SPTBN4: variants seen among roughly 807,000 people sequenced by gnomAD.
SPTBN4 encodes spectrin beta chain, non-erythrocytic 4.
A neutral mutation model predicts 277.8 loss-of-function variants in SPTBN4; 96 were observed. The ratio of observed to expected loss-of-function variants is 0.35; its 90% CI spans 0.29 to 0.41. The LOEUF (loss-of-function observed/expected upper bound fraction) is 0.41, where lower values mean the gene tolerates loss of function less well. Among genes scored for constraint, SPTBN4 ranks in the 10% least tolerant of loss-of-function variants. The pLI is 1.00. For missense variants in SPTBN4, 3,006 were observed against 3,595.7 expected, an observed-to-expected ratio of 0.84 and a Z score of 4.19; for synonymous variants, 1,481 against 1,580.3, an observed-to-expected ratio of 0.94 and a Z score of 1.49.
chr19:40,499,122 G>A (rs547784998), intron 7 of SPTBN4, among the ~76,000 whole-genome samples: 19 of 151,322 alleles, frequency 1.3e-4, no homozygotes, highest in Non-Finnish European at 2.4e-4. Context: ...TCCGCCTCCC[G>A]GGTTCAAGTG....
chr19:40,563,592 G>A (rs2081064225), intron 27 of SPTBN4, among the ~76,000 whole-genome samples: 1 of 151,434 alleles, frequency 6.6e-6, no homozygotes, highest in African/African-American at 2.4e-5. Flanking sequence ...AACTATTAAT[G>A]AGGCCAGGCA....
intron 20 of SPTBN4, among the ~76,000 whole-genome samples, chr19:40,536,751 T>C (rs1459155238): frequency 1.3e-5 from 2 of 152,168 alleles, no homozygotes; most frequent in Non-Finnish European, 2.9e-5. Flanking sequence ...AGTTTGAGAC[T>C]AGCCTGGGTA....
Position 40,519,620 on chromosome 19 carries a change from T to C in SPTBN4, c.3123T>C (p.Leu1041=). The change falls in exon 16 of 36, where the codon CTT becomes CTC. Residue 1041 remains leucine (L), a synonymous_variant. Coordinates refer to ENST00000598249, the MANE Select transcript of SPTBN4 (RefSeq NM_020971.3). The surrounding 1 kb of genome is among the most constrained non-coding windows in gnomAD (Gnocchi z 5.7). ...CGCTGGAGCCGCGCCAGGCGGCCCT[T>C]CTGGAGGAGGCAGCCCTGCTGGCTG... is the stretch of plus-strand genomic sequence containing the variant. ...LQALEPRQAA[L]LEEAALLAER... 6.9e-7 allele frequency: 1 copy of C among 1,447,876 alleles called. No individual in the cohort carries two copies. Among genetic ancestry groups the C allele is most frequent in the Non-Finnish European group, 9.0e-7 (1 of 1,112,426 alleles). 89.7% of individuals were successfully genotyped at this position (1,447,876 alleles called of 1,614,324 possible).
rs35964729 is a variant in SPTBN4, at chr19:40,550,504, ATT to A, written c.4674+192_4674+193del. Among the ~76,000 whole-genome samples the A allele has an allele frequency of 0.44, 62,471 of 141,154 alleles. 13,959 individuals are homozygous for A. The highest frequency in any genetic ancestry group is 0.52 in the African/African-American group (19,610 of 38,038). The allele number at this position is 141,154 out of a possible 152,430, so 92.6% of individuals were successfully genotyped here. A position where few individuals can be genotyped will look rare whatever the true frequency, so the allele number is the denominator to read the frequency against. On this transcript the variant is annotated intron_variant, in intron 22 of 35. Coordinates refer to ENST00000598249, the MANE Select transcript of SPTBN4 (RefSeq NM_020971.3). ...ATATATTTTCATGACTCTTGGCTCT[ATT>A]TTTTTTTTTTTTTTGAGATGGAGCC... is the stretch of plus-strand genomic sequence containing the variant.
rs769173332 is a variant in SPTBN4 at position 40,568,196 on chromosome 19, G to A, written c.6870G>A (p.Glu2290=). The change falls in exon 31 of 36, where the codon GAG becomes GAA. Residue 2290 remains glutamate (E), a synonymous_variant. Coordinates refer to ENST00000598249, the MANE Select transcript of SPTBN4 (RefSeq NM_020971.3). The part of the protein sequence containing the change: ...SLTLGRYEQM[E]RRRERRERRL... ...CCCTGGGCCGCTATGAGCAGATGGA[G>A]CGGCGGCGCGAGCGGCGTGAGCGGC... is the stretch of plus-strand genomic sequence containing the variant. 1.3e-6 allele frequency: 2 copies of A among 1,595,984 alleles called. No homozygotes were observed. Among genetic ancestry groups the A allele is most frequent in the Admixed American group, 3.5e-5 (2 of 57,362 alleles).
chr19:40,551,185 A>T (rs2080913801), intron 22 of SPTBN4, among the ~76,000 whole-genome samples: 1 of 152,172 alleles, frequency 6.6e-6, no homozygotes, highest in South Asian at 2.1e-4. Context: ...GAAGGGGAAT[A>T]GCTATTGGAC....
chr19:40,520,072 G>T lies in SPTBN4; in HGVS notation c.3575G>T (p.Arg1192Met). Residue 1192 changes from arginine to methionine, a missense_variant, in exon 16 of 36, where the codon AGG becomes ATG. Coordinates refer to ENST00000598249, the MANE Select transcript of SPTBN4 (RefSeq NM_020971.3). ...HKLLGLWEAR[R>M]EALVQAHIYQ... The stretch of plus-strand genomic sequence containing the variant: ...CTGCTCGGCTTGTGGGAGGCGCGCA[G>T]GGAGGCGCTGGTCCAGGCGCACATC... 6.6e-7 allele frequency: 1 copy of T among 1,513,738 alleles called. No individual in the cohort carries two copies. The highest frequency in any genetic ancestry group is 8.8e-7 in the Non-Finnish European group (1 of 1,136,064). The allele number at this position is 1,513,738 out of a possible 1,614,324, so 93.8% of individuals were successfully genotyped here. A position where few individuals can be genotyped will look rare whatever the true frequency, so the allele number is the denominator to read the frequency against.
chr19:40,485,230 A>G lies in SPTBN4; in HGVS notation c.170-2467A>G, dbSNP rs910957780. Among the ~76,000 whole-genome samples, 7 of 151,870 alleles carry G rather than the reference A, an allele frequency of 4.6e-5. No individual in the cohort carries two copies. In the South Asian group the frequency reaches 6.2e-4, roughly 14 times the overall value. ...AGTGGCACGATCTCGGCTCACTGCA[A>G]CCTCCACCTCCCTGGTTCAAGCGAT... On this transcript the variant is annotated intron_variant, in intron 2 of 35. Transcript: ENST00000598249.
rs182375967 is a variant in SPTBN4, at chr19:40,540,174, G to A, written c.4359+5831G>A. 3.1e-3 allele frequency among the ~76,000 whole-genome samples: 469 copies of A among 150,834 alleles called. 3 individuals are homozygous for A. The highest frequency in any genetic ancestry group is 2.1e-3 in the Non-Finnish European group (139 of 67,526). On this transcript the variant is annotated intron_variant, in intron 20 of 35. Coordinates refer to ENST00000598249, the MANE Select transcript of SPTBN4 (RefSeq NM_020971.3). The stretch of plus-strand genomic sequence containing the variant: ...ACTCCTGACCTCAAGTGATCCGCCC[G>A]CCTCGGCCTCCCAAAGTGCTGGGAT...
At chr19:40,479,675 C>CATAT (rs34118043) in intron 2 of SPTBN4, among the ~76,000 whole-genome samples, 7,181 of 126,554 alleles carry the variant, frequency 0.057, 221 homozygotes, top group South Asian at 0.11. Flanking sequence ...AATGAGTAAG[C>CATAT]ATATATATAT....
rs774869488 is a variant in SPTBN4, at chr19:40,550,343, T to G, written c.4674+16T>G. ...AAAGAACCAGGTGAGCAGAGCCAGG[T>G]GAGGGAGCGAGTTAGGACATTTGGA... On this transcript the variant is annotated intron_variant, in intron 22 of 35. Transcript: ENST00000598249. 1 of 1,603,990 alleles carries G rather than the reference T, an allele frequency of 6.2e-7. No homozygotes were observed. Among genetic ancestry groups the G allele is most frequent in the Non-Finnish European group, 8.5e-7 (1 of 1,179,622 alleles).
Position 40,555,504 on chromosome 19 carries a change from A to AAG in SPTBN4, c.5085-579_5085-578insGA, listed in dbSNP as rs1465504943. Among the ~76,000 whole-genome samples the AAG allele has an allele frequency of 2.1e-3, 316 of 150,786 alleles. 1 individual carries two copies. Among genetic ancestry groups the AAG allele is most frequent in the African/African-American group, 7.5e-3 (305 of 40,860 alleles). On this transcript the variant is annotated intron_variant, in intron 24 of 35. Coordinates refer to ENST00000598249, the MANE Select transcript of SPTBN4 (RefSeq NM_020971.3). ...GACTCCGTCTCAAAAAAAAAAAAAA[A>AAG]AAAAGAAAAGAAAAAAAAAGAAAGG...
chr19:40,473,502 C>A (rs2079911460), intron 2 of SPTBN4, among the ~76,000 whole-genome samples: 4 of 151,930 alleles, frequency 2.6e-5, no homozygotes, highest in African/African-American at 9.7e-5. Context: ...GGATTACAGG[C>A]ATGTGCCACC....
At chr19:40,558,612 G>T (rs897699628) in intron 26 of SPTBN4, among the ~76,000 whole-genome samples, 2 of 151,092 alleles carry the variant, frequency 1.3e-5, no homozygotes, top group African/African-American at 4.9e-5. Context: ...TTGTTTGTTT[G>T]TTTGTTTATT....
chr19:40,547,881 G>T (rs1053989576), intron 20 of SPTBN4, among the ~76,000 whole-genome samples: 1 of 152,150 alleles, frequency 6.6e-6, no homozygotes, highest in Non-Finnish European at 1.5e-5. Context: ...TGCTTGGAAA[G>T]ATTTTTCTCC....
chr19:40,503,664 G>C (rs1161241439), intron 11 of SPTBN4, among the ~76,000 whole-genome samples, 166 bp from the exon 12 acceptor site: 1 of 151,966 alleles, frequency 6.6e-6, no homozygotes, highest in Non-Finnish European at 1.5e-5. Flanking sequence ...CTGGTCTCCA[G>C]GTTACCTGGG....
At chr19:40,545,461 C>T (rs1463322489) in intron 20 of SPTBN4, among the ~76,000 whole-genome samples, 4 of 152,128 alleles carry the variant, frequency 2.6e-5, no homozygotes, top group Non-Finnish European at 5.9e-5. Flanking sequence ...GCATATTTTG[C>T]ATTTTGATGC....
In SPTBN4 at chr19:40,560,193, G is replaced by T; in HGVS notation, c.5705G>T (p.Arg1902Leu). The change falls in exon 27 of 36, where the codon CGG (arginine) becomes CTG (leucine). Residue 1902 changes from arginine to leucine, a missense_variant. Transcript: ENST00000598249. The surrounding 1 kb of genome is among the most constrained non-coding windows in gnomAD (Gnocchi z 5.2). Reference protein sequence around the residue: ...RQLQEGAAQLRTVYAGEHAEA... With the variant: ...RQLQEGAAQLLTVYAGEHAEA... ...CTGCAGGAGGGGGCGGCCCAGCTGC[G>T]GACGGTGTATGCGGGTGAACATGCC... The T allele has an allele frequency of 6.2e-7, 1 of 1,603,128 alleles. No homozygotes were observed.
intron 20 of SPTBN4, among the ~76,000 whole-genome samples, chr19:40,547,371 A>G (rs1210928141): frequency 6.6e-6 from 1 of 151,960 alleles, no homozygotes; most frequent in Non-Finnish European, 1.5e-5. Context: ...ATCCTTCTTT[A>G]TGGCTGCATA....
Sources: allele counts gnomAD v4.1 joint callset (sites outside exome capture counted in the v4.1 genomes callset), GRCh38; gene constraint gnomAD v4.1.1; non-coding constraint Gnocchi (gnomAD v3.1); transcripts MANE v1.5; gene names NCBI Gene and HGNC (gene_info 2026-07-23, HGNC 2026-07-21).